IL6R: variants seen among roughly 807,000 people sequenced by gnomAD.
The protein encoded by IL6R is interleukin 6 receptor, also known as interleukin-6 receptor subunit alpha.
In IL6R, 38 loss-of-function variants were observed where a neutral mutation model predicts 48.3. That is an observed-to-expected ratio of 0.79 (90% CI 0.61 to 1.03). IL6R has a LOEUF of 1.03. IL6R is among the 50% of genes least tolerant of loss of function. The pLI, the probability that IL6R is intolerant of heterozygous loss-of-function variation, is 0.00. For synonymous variants in IL6R, 264 were observed against 256.2 expected (o/e 1.03, Z -0.29); for missense variants, 534 against 618.3 (o/e 0.86, Z 1.45).
At chr1:154,447,500 CACAT>C (rs1263359313) in intron 6 of IL6R, among the ~76,000 whole-genome samples, 40 of 126,700 alleles carry the variant, frequency 3.2e-4, no homozygotes, top group Admixed American at 2.4e-3. Context: ...CACACACACA[CACAT>C]ATATATATAC....
chr1:154,412,836 A>C (rs1208376649), intron 1 of IL6R, among the ~76,000 whole-genome samples: 1 of 152,152 alleles, frequency 6.6e-6, no homozygotes, highest in Non-Finnish European at 1.5e-5. Context: ...AAAGTCACAC[A>C]GCTAGTGAGT....
chr1:154,409,876 A>C (rs1420736831), intron 1 of IL6R, among the ~76,000 whole-genome samples: 1 of 152,166 alleles, frequency 6.6e-6, no homozygotes, highest in African/African-American at 2.4e-5. Flanking sequence ...TGTTTGTGGC[A>C]GGGTGGGGTG....
At chr1:154,445,577 C>T (rs1043249630) in intron 6 of IL6R, among the ~76,000 whole-genome samples, 13 of 152,068 alleles carry the variant, frequency 8.5e-5, no homozygotes, top group African/African-American at 1.2e-4. Flanking sequence ...GGTGAAACCC[C>T]GTCTCTACTA....
intron 6 of IL6R, among the ~76,000 whole-genome samples, chr1:154,447,085 AG>A (rs976537164): frequency 4.8e-4 from 73 of 152,232 alleles, no homozygotes; most frequent in African/African-American, 1.7e-3. Flanking sequence ...AGCTACAGTG[AG>A]CCATCATCAT....
At chr1:154,444,945 C>A (rs530199787) in intron 6 of IL6R, 10 of 411,290 alleles carry the variant, frequency 2.4e-5, no homozygotes, top group African/African-American at 1.0e-4. Flanking sequence ...ACCCGCCCCC[C>A]CCAAATGAGG....
At chr1:154,456,731 A>G (rs1429002795) in intron 9 of IL6R, among the ~76,000 whole-genome samples, 2 of 152,178 alleles carry the variant, frequency 1.3e-5, no homozygotes, top group East Asian at 3.9e-4. Flanking sequence ...TGCCCCGAGA[A>G]CCTCAAGCGG....
rs768275273 is a variant in IL6R, at chr1:154,465,268, T to C, written c.1295T>C (p.Val432Ala). Reference sequence around the variant, plus strand: ...CTTGTTCCTCTCATCTCCCCACCGGTGTCCCCCAGCAGCCTGGGGTCTGAC... The same window carrying C: ...CTTGTTCCTCTCATCTCCCCACCGGCGTCCCCCAGCAGCCTGGGGTCTGAC... ...PVLVPLISPPVSPSSLGSDNT... is the reference protein window; with the variant it reads ...PVLVPLISPPASPSSLGSDNT... Residue 432 changes from valine (V) to alanine (A), a missense_variant, in exon 10 of 10, where the codon GTG becomes GCG. Transcript: ENST00000368485. 2 of 1,614,140 alleles carry C rather than the reference T, an allele frequency of 1.2e-6. No homozygotes were observed. The highest frequency in any genetic ancestry group is 1.7e-6 in the Non-Finnish European group (2 of 1,180,032).
At chr1:154,445,474 G>A (rs1355823025) in intron 6 of IL6R, among the ~76,000 whole-genome samples, 4 of 152,132 alleles carry the variant, frequency 2.6e-5, no homozygotes, top group South Asian at 2.1e-4. Context: ...ATGACAGCTG[G>A]GCGCGGTGGC....
Position 154,429,919 on chromosome 1 carries a change from A to C in IL6R, c.334+475A>C, listed in dbSNP as rs1376654964. Among the ~76,000 whole-genome samples the C allele has an allele frequency of 7.2e-5, 11 of 152,154 alleles. No homozygotes were observed. In the East Asian group the frequency reaches 2.1e-3, roughly 29 times the overall value. On this transcript the variant is annotated intron_variant, in intron 2 of 9. Coordinates refer to ENST00000368485, the MANE Select transcript of IL6R (RefSeq NM_000565.4). ...CCCATCCTAAGCTCTCAAATTAGCT[A>C]TTCTTATTTTTTTAGAATTAGCAAG...
rs780834522 is a variant in IL6R, at chr1:154,465,145, C to A, written c.1172C>A (p.Thr391Lys). Residue 391 changes from threonine to lysine, a missense_variant, in exon 10 of 10, where the codon ACG becomes AAG. Thr to Lys is a moderately conservative substitution (Grantham distance 78, BLOSUM62 -1). Coordinates refer to ENST00000368485, the MANE Select transcript of IL6R (RefSeq NM_000565.4). ...CIAIVLRFKK[T>K]WKLRALKEGK... ...GTGTTTGTGTGAAGGTTCAAGAAGA[C>A]GTGGAAGCTGCGGGCTCTGAAGGAA... 2.5e-6 allele frequency: 4 copies of A among 1,613,958 alleles called. No homozygotes were observed. Among genetic ancestry groups the A allele is most frequent in the South Asian group, 1.1e-5 (1 of 91,078 alleles).
In IL6R at chr1:154,465,143, G is replaced by A. The variant is rs779566613; in HGVS notation, c.1170G>A (p.Lys390=). 6.3e-5 allele frequency: 102 copies of A among 1,614,042 alleles called. No homozygotes were observed. Among genetic ancestry groups the A allele is most frequent in the Non-Finnish European group, 8.6e-5 (102 of 1,180,044 alleles). ...LCIAIVLRFK[K]TWKLRALKEG... ...GTGTGTTTGTGTGAAGGTTCAAGAAGACGTGGAAGCTGCGGGCTCTGAAGG... is the reference window on the plus strand; with the variant it reads ...GTGTGTTTGTGTGAAGGTTCAAGAAAACGTGGAAGCTGCGGGCTCTGAAGG... The change falls in exon 10 of 10, where the codon AAG becomes AAA. Residue 390 remains lysine, a synonymous_variant. Transcript: ENST00000368485.
In IL6R at chr1:154,405,667, T is replaced by C; in HGVS notation, c.38T>C (p.Leu13Pro). Residue 13 changes from leucine to proline, a missense_variant, in exon 1 of 10, where the codon CTG becomes CCG. Leu to Pro is a moderately conservative substitution (Grantham distance 98, BLOSUM62 -3). Coordinates refer to ENST00000368485, the MANE Select transcript of IL6R (RefSeq NM_000565.4). The surrounding 1 kb of genome is among the most constrained non-coding windows in gnomAD (Gnocchi z 5.2). ...GGCTGCGCGCTGCTGGCTGCCCTGC[T>C]GGCCGCGCCGGGAGCGGCGCTGGCC... Reference protein sequence around the residue: ...AVGCALLAALLAAPGAALAPR... With the variant: ...AVGCALLAALPAAPGAALAPR... The C allele has an allele frequency of 6.5e-7, 1 of 1,531,522 alleles. No individual in the cohort carries two copies. The highest frequency in any genetic ancestry group is 8.7e-7 in the Non-Finnish European group (1 of 1,146,328). The allele number at this position is 1,531,522 out of a possible 1,614,324, so 94.9% of individuals were successfully genotyped here. A position where few individuals can be genotyped will look rare whatever the true frequency, so the allele number is the denominator to read the frequency against.
rs1691634671 is a variant in IL6R at position 154,467,990 on chromosome 1, T to A, written c.*2610T>A. The A allele has an allele frequency of 6.6e-6, 1 of 152,238 alleles. No individual in the cohort carries two copies. 9.4% of individuals were successfully genotyped at this position (152,238 alleles called of 1,614,324 possible). ...GCGGAAGATGTGAAATCCAGATAGC[T>A]CATTATTGCCAAGAGCTAGGCAGCT... On this transcript the variant is annotated 3_prime_UTR_variant, in exon 10 of 10. Coordinates refer to ENST00000368485, the MANE Select transcript of IL6R (RefSeq NM_000565.4).
Position 154,466,461 on chromosome 1 carries a change from T to G in IL6R, c.*1081T>G, listed in dbSNP as rs1691557750. ...TGTTTTCTCTTGAGAGGGTGGAATA[T>G]CCAATATTCGCTGTGTCAGCATAGA... is the stretch of plus-strand genomic sequence containing the variant. On this transcript the variant is annotated 3_prime_UTR_variant, in exon 10 of 10. Transcript: ENST00000368485. 2 of 152,206 alleles carry G rather than the reference T, an allele frequency of 1.3e-5. No homozygotes were observed. Among genetic ancestry groups the G allele is most frequent in the African/African-American group, 4.8e-5 (2 of 41,428 alleles). The allele number at this position is 152,206 out of a possible 1,614,324, so 9.4% of individuals were successfully genotyped here. A position where few individuals can be genotyped will look rare whatever the true frequency, so the allele number is the denominator to read the frequency against.
Position 154,465,442 on chromosome 1 carries a change from A to G in IL6R, c.*62A>G, listed in dbSNP as rs1691511681. On this transcript the variant is annotated 3_prime_UTR_variant, in exon 10 of 10. Coordinates refer to ENST00000368485, the MANE Select transcript of IL6R (RefSeq NM_000565.4). ...TGATAAAACACAAACGGGCTCAGCAAAAGATGCTTCTCACTGCCATGCCAG... is the reference window on the plus strand; with the variant it reads ...TGATAAAACACAAACGGGCTCAGCAGAAGATGCTTCTCACTGCCATGCCAG... 3 of 1,585,126 alleles carry G rather than the reference A, an allele frequency of 1.9e-6. No individual in the cohort carries two copies. The highest frequency in any genetic ancestry group is 1.7e-5 in the Admixed American group (1 of 59,690).
chr1:154,430,451 G>A (rs754295213), intron 2 of IL6R, 32 bp from the exon 3 acceptor site: 14 of 1,608,920 alleles, frequency 8.7e-6, no homozygotes, highest in African/African-American at 6.7e-5. Context: ...ATCCCCGCCC[G>A]CCTGCTGACA....
chr1:154,405,781 C>G lies in IL6R; in HGVS notation c.85+67C>G. On this transcript the variant is annotated intron_variant, in intron 1 of 9. Coordinates refer to ENST00000368485, the MANE Select transcript of IL6R (RefSeq NM_000565.4). The surrounding 1 kb of genome is among the most constrained non-coding windows in gnomAD (Gnocchi z 5.2). ...GGCTGGGGGAAACCGCCTTGGTCAC[C>G]GCAGTCTGTGGGAGGCTGGAGGGAG... 8.3e-7 allele frequency: 1 copy of G among 1,199,718 alleles called. No individual in the cohort carries two copies. 74.3% of individuals were successfully genotyped at this position (1,199,718 alleles called of 1,614,324 possible).
At chr1:154,442,537 G>T (rs1332838450) in intron 6 of IL6R, among the ~76,000 whole-genome samples, 1 of 152,196 alleles carries the variant, frequency 6.6e-6, no homozygotes, top group Non-Finnish European at 1.5e-5. Flanking sequence ...GGGCTCTGGA[G>T]CCTGGACTTC....
intron 1 of IL6R, among the ~76,000 whole-genome samples, chr1:154,410,161 A>C (rs933487140): frequency 6.6e-6 from 1 of 152,026 alleles, no homozygotes; most frequent in Non-Finnish European, 1.5e-5. Flanking sequence ...AGTCTAGCAG[A>C]GGGAAGTGCT....
Sources: allele counts gnomAD v4.1 joint callset (sites outside exome capture counted in the v4.1 genomes callset), GRCh38; gene constraint gnomAD v4.1.1; non-coding constraint Gnocchi (gnomAD v3.1); transcripts MANE v1.5; gene names NCBI Gene and HGNC (gene_info 2026-07-23, HGNC 2026-07-21).